The following RINT1 variants were observed in gnomAD, a reference collection of about 807,000 sequenced individuals.
The protein encoded by RINT1 is RAD50-interacting protein 1.
In RINT1, 75 loss-of-function variants were observed where a neutral mutation model predicts 97.7. The observed-to-expected ratio is 0.77, with a 90% CI of 0.64 to 0.93. The LOEUF (loss-of-function observed/expected upper bound fraction) is 0.93. Among genes scored for constraint, RINT1 ranks in the 40% least tolerant of loss-of-function variants. The probability of loss-of-function intolerance (pLI) is 0.00; values close to 1 mark genes in which losing one functional copy is unlikely to be tolerated. For synonymous variants in RINT1, 303 were observed against 326.3 expected (o/e 0.93, Z 0.77); for missense variants, 892 against 925.2 (o/e 0.96, Z 0.47).
intron 2 of RINT1, among the ~76,000 whole-genome samples, chr7:105,534,083 T>G (rs1173076321): frequency 6.6e-6 from 1 of 152,136 alleles, no homozygotes; most frequent in Non-Finnish European, 1.5e-5. Flanking sequence ...AATTTTTTTT[T>G]TTTTTGAGAC....
chr7:105,540,926 C>G (rs1429641923), intron 3 of RINT1, among the ~76,000 whole-genome samples: 1 of 149,214 alleles, frequency 6.7e-6, no homozygotes, highest in Non-Finnish European at 1.5e-5. Flanking sequence ...CAACCTCTGC[C>G]TCCCGGGTTT....
In RINT1 at chr7:105,565,260, A is replaced by G; in HGVS notation, c.1887-17A>G. The G allele has an allele frequency of 6.4e-7, 1 of 1,557,526 alleles. No homozygotes were observed. Among genetic ancestry groups the G allele is most frequent in the Non-Finnish European group, 8.7e-7 (1 of 1,152,812 alleles). On this transcript the variant is annotated splice_polypyrimidine_tract_variant and intron_variant, in intron 12 of 14. Transcript: ENST00000257700. The stretch of plus-strand genomic sequence containing the variant: ...GAAACTGATGAAAATTTTTTGGTAA[A>G]AATGTGTTTTTTCCAGATGGTTGTC...
chr7:105,565,991 C>G (rs947600968), intron 14 of RINT1, among the ~76,000 whole-genome samples: 2 of 152,060 alleles, frequency 1.3e-5, no homozygotes, highest in Non-Finnish European at 2.9e-5. Context: ...ATTACAGGGC[C>G]GGGCGTGGTG....
chr7:105,564,104 T>G (rs1441283427), intron 12 of RINT1, among the ~76,000 whole-genome samples, 157 bp downstream of exon 12: 1 of 152,188 alleles, frequency 6.6e-6, no homozygotes, highest in Non-Finnish European at 1.5e-5. Flanking sequence ...TGGACATTTT[T>G]TTTGAGACAG....
chr7:105,539,710 T>C (rs1009732089), intron 3 of RINT1, among the ~76,000 whole-genome samples: 2 of 152,140 alleles, frequency 1.3e-5, no homozygotes, highest in East Asian at 1.9e-4. Context: ...TTTAGGCAGA[T>C]TGGGAGCTTT....
chr7:105,549,502 C>G (rs1354372720), intron 7 of RINT1, among the ~76,000 whole-genome samples: 2 of 151,970 alleles, frequency 1.3e-5, no homozygotes, highest in African/African-American at 2.4e-5. Flanking sequence ...GTGCCCACCA[C>G]CACGCCCAGC....
At position 105,547,227 on chromosome 7, in the gene RINT1, G is replaced by A. The variant is rs759899058; in HGVS notation, c.733G>A (p.Ala245Thr). 1.7e-5 allele frequency: 28 copies of A among 1,613,978 alleles called. No homozygotes were observed. Among genetic ancestry groups the A allele is most frequent in the East Asian group, 1.1e-4 (5 of 44,902 alleles). Residue 245 changes from alanine (A) to threonine (T), a missense_variant, in exon 6 of 15, where the codon GCA (alanine) becomes ACA (threonine). Transcript: ENST00000257700. ...ILAQLHWPFIAPPQSQTVGLS... is the reference protein window; with the variant it reads ...ILAQLHWPFITPPQSQTVGLS... ...AGCACAGCTTCATTGGCCATTCATC[G>A]CACCCCCTCAATCACAAACTGTTGG...
intron 11 of RINT1, among the ~76,000 whole-genome samples, chr7:105,563,075 T>A (rs1420680103): frequency 1.3e-5 from 2 of 150,864 alleles, no homozygotes; most frequent in Admixed American, 6.6e-5. Flanking sequence ...GTAAAAAAAA[T>A]GAAGTGCTGA....
chr7:105,557,225 CAGAA>C (rs889280490), intron 11 of RINT1, among the ~76,000 whole-genome samples: 3 of 151,700 alleles, frequency 2.0e-5, no homozygotes, highest in Non-Finnish European at 2.9e-5. Flanking sequence ...AAAATGAAAA[CAGAA>C]AGGTAAACAA....
chr7:105,540,571 TATTTTTAGTAGA>T (rs1790415391), intron 3 of RINT1, among the ~76,000 whole-genome samples: 1 of 152,090 alleles, frequency 6.6e-6, no homozygotes, highest in Non-Finnish European at 1.5e-5. Flanking sequence ...TGAATTTTTG[TATTTTTAGTAGA>T]GACAGGGTTT....
At position 105,563,772 on chromosome 7, in the gene RINT1, G is replaced by C. The variant is rs1791555375; in HGVS notation, c.1711G>C (p.Ala571Pro). ...QLQQAALEVF[A>P]ENNTLSKLQL... Reference sequence around the variant, plus strand: ...TCAACAGGCTGCACTGGAGGTGTTTGCAGAGAATAATACTCTGAGTAAATT... The same window carrying C: ...TCAACAGGCTGCACTGGAGGTGTTTCCAGAGAATAATACTCTGAGTAAATT... Residue 571 changes from alanine to proline, a missense_variant, in exon 12 of 15, where the codon GCA (alanine) becomes CCA (proline). Coordinates refer to ENST00000257700, the MANE Select transcript of RINT1 (RefSeq NM_021930.6). The C allele has an allele frequency of 1.9e-6, 3 of 1,614,178 alleles. No homozygotes were observed. The highest frequency in any genetic ancestry group is 2.5e-6 in the Non-Finnish European group (3 of 1,180,008).
chr7:105,564,769 G>C (rs533432244), intron 12 of RINT1, among the ~76,000 whole-genome samples: 2 of 152,158 alleles, frequency 1.3e-5, no homozygotes, highest in African/African-American at 2.4e-5. Context: ...GGGAGGCCAA[G>C]GCGGGCAGAT....
At chr7:105,548,007 G>A (rs1199023900) in intron 6 of RINT1, among the ~76,000 whole-genome samples, 1 of 151,378 alleles carries the variant, frequency 6.6e-6, no homozygotes, top group African/African-American at 2.4e-5. Flanking sequence ...GATTACAGGT[G>A]AGAGCCACTG....
At chr7:105,544,188 T>G (rs1790570876) in intron 4 of RINT1, among the ~76,000 whole-genome samples, 2 of 152,126 alleles carry the variant, frequency 1.3e-5, no homozygotes, top group African/African-American at 4.8e-5. Context: ...CTCATTCTTG[T>G]TTAGATAAAT....
Position 105,565,614 on chromosome 7 carries a change from C to G in RINT1, c.2152C>G (p.His718Asp), listed in dbSNP as rs2133481242. ...TCGGAATCTTTTCCCTTTGTTTTCT[C>G]ACTATTGCAAGAGACCAGAAAATTA... ...MTRNLFPLFS[H>D]YCKRPENYFK... Residue 718 changes from histidine to aspartate, a missense_variant, in exon 14 of 15, where the codon CAC (histidine) becomes GAC (aspartate). Physicochemically the swap from His to Asp is moderately conservative, Grantham distance 81. Coordinates refer to ENST00000257700, the MANE Select transcript of RINT1 (RefSeq NM_021930.6). The G allele has an allele frequency of 6.2e-7, 1 of 1,612,960 alleles. No individual in the cohort carries two copies. The highest frequency in any genetic ancestry group is 8.5e-7 in the Non-Finnish European group (1 of 1,179,150).
At chr7:105,534,140 G>C (rs1176969912) in intron 2 of RINT1, among the ~76,000 whole-genome samples, 2 of 151,528 alleles carry the variant, frequency 1.3e-5, no homozygotes, top group South Asian at 2.1e-4. Context: ...GCGCGATCTC[G>C]CCTTACTGCA....
Position 105,565,454 on chromosome 7 carries a change from A to C in RINT1, c.2064A>C (p.Gln688His). 6.2e-7 allele frequency: 1 copy of C among 1,613,722 alleles called. No individual in the cohort carries two copies. The highest frequency in any genetic ancestry group is 1.3e-5 in the African/African-American group (1 of 75,034). ...AGAAGCTGGATGTATACATCTACCA[A>C]GAAGTAAGTAAGAATAGACTGTTTT... The part of the protein sequence containing the change: ...LVEKLDVYIY[Q>H]EIILANHFNE... The change falls in exon 13 of 15, where the codon CAA becomes CAC. Residue 688 changes from glutamine to histidine, a missense_variant. Physicochemically the swap from Gln to His is conservative, Grantham distance 24. Coordinates refer to ENST00000257700, the MANE Select transcript of RINT1 (RefSeq NM_021930.6).
chr7:105,555,143 A>G lies in RINT1; in HGVS notation c.1587A>G (p.Arg529=). The G allele has an allele frequency of 6.2e-7, 1 of 1,614,082 alleles. No individual in the cohort carries two copies. Among genetic ancestry groups the G allele is most frequent in the South Asian group, 1.1e-5 (1 of 91,084 alleles). ...CACAAGTGATGAAAGAAGAGACTAGAGCTTCCCTTGGCTTTCGATACTGTG... is the reference window on the plus strand; with the variant it reads ...CACAAGTGATGAAAGAAGAGACTAGGGCTTCCCTTGGCTTTCGATACTGTG... The part of the protein sequence containing the change: ...RLTQVMKEET[R]ASLGFRYCAI... The change falls in exon 11 of 15, where the codon AGA becomes AGG. Residue 529 remains arginine (R), a synonymous_variant. Transcript: ENST00000257700.
intron 12 of RINT1, 116 bp from the exon 13 acceptor site, chr7:105,565,161 A>AT (rs974799105): frequency 1.3e-6 from 1 of 763,310 alleles, no homozygotes; most frequent in African/African-American, 1.7e-5. Context: ...TAGGCTGTAT[A>AT]TTTTTTCTTA....
Sources: allele counts gnomAD v4.1 joint callset (sites outside exome capture counted in the v4.1 genomes callset), GRCh38; gene constraint gnomAD v4.1.1; transcripts MANE v1.5; gene names NCBI Gene and HGNC (gene_info 2026-07-23, HGNC 2026-07-21).